Variants in ADGRV1 observed in about 807,000 individuals in gnomAD.
The protein encoded by ADGRV1 is G-protein coupled receptor 98.
Under a neutral mutation model 596.2 loss-of-function variants are expected in ADGRV1, and 359 were observed. The ratio of observed to expected loss-of-function variants is 0.60; its 90% CI spans 0.55 to 0.66. The LOEUF (loss-of-function observed/expected upper bound fraction) is 0.66, where lower values mean the gene tolerates loss of function less well. Ranked by LOEUF, ADGRV1 falls within the 30% of genes least tolerant of loss-of-function variation. ADGRV1 has a pLI of 0.00. For missense variants in ADGRV1, 7,274 were observed against 7,575.6 expected (o/e 0.96, Z 1.48); for synonymous variants, 2,681 against 2,679.2 (o/e 1.00, Z -0.02).
At chr5:90,773,782 C>G (rs1220520950) in intron 59 of ADGRV1, among the ~76,000 whole-genome samples, 3 of 152,210 alleles carry the variant, frequency 2.0e-5, no homozygotes, top group Non-Finnish European at 4.4e-5. Flanking sequence ...CGGCTGGCAT[C>G]TCAGGGCTGT....
chr5:90,685,949 A>G lies in ADGRV1; in HGVS notation c.6444A>G (p.Ala2148=). 6.2e-7 allele frequency: 1 copy of G among 1,605,684 alleles called. No individual in the cohort carries two copies. The highest frequency in any genetic ancestry group is 1.3e-5 in the African/African-American group (1 of 74,992). The part of the protein sequence containing the change: ...INVTRTGGAF[A]DVSVKFKAVP... ...TGACTAGAACAGGAGGAGCATTTGC[A>G]GATGTCTCTGTGAAGTTTAAAGCTG... Residue 2148 remains alanine (A), a synonymous_variant, in exon 29 of 90, where the codon GCA becomes GCG. Coordinates refer to ENST00000405460, the MANE Select transcript of ADGRV1 (RefSeq NM_032119.4).
rs145758194 is a variant in ADGRV1, at chr5:90,669,054, T to C, written c.4753-3492T>C. Among the ~76,000 whole-genome samples the C allele has an allele frequency of 2.6e-3, 390 of 152,346 alleles. 14 individuals carry two copies. The East Asian group carries it at 0.065, about 25-fold the overall frequency. On this transcript the variant is annotated intron_variant, in intron 21 of 89. Coordinates refer to ENST00000405460, the MANE Select transcript of ADGRV1 (RefSeq NM_032119.4). ...AAGATTTTATATTTACATATTAAGA[T>C]TAATGGTTTATTAATTTAACTCATG...
intron 83 of ADGRV1, among the ~76,000 whole-genome samples, chr5:90,913,671 A>G (rs1773097716): frequency 6.6e-6 from 1 of 152,184 alleles, no homozygotes; most frequent in Non-Finnish European, 1.5e-5. Flanking sequence ...CTAGTTTATC[A>G]TAACTCATGC....
chr5:91,154,846 A>C (rs1224375958), intron 89 of ADGRV1, among the ~76,000 whole-genome samples: 2 of 152,218 alleles, frequency 1.3e-5, no homozygotes, highest in African/African-American at 4.8e-5. Context: ...CACTATCATA[A>C]GAATAGCATA....
chr5:90,691,503 G>C (rs2149625852), intron 31 of ADGRV1, among the ~76,000 whole-genome samples: 1 of 150,780 alleles, frequency 6.6e-6, no homozygotes, highest in African/African-American at 2.4e-5. Context: ...TCCTGCCTCA[G>C]CCTTCCGAGT....
chr5:90,734,794 A>G (rs563843885), intron 50 of ADGRV1, among the ~76,000 whole-genome samples: 46 of 152,090 alleles, frequency 3.0e-4, no homozygotes, highest in Non-Finnish European at 3.4e-4. Context: ...TCCTGACCTC[A>G]TGATCCACCT....
chr5:90,746,529 G>T lies in ADGRV1; in HGVS notation c.10974+734G>T, dbSNP rs528331448. On this transcript the variant is annotated intron_variant, in intron 52 of 89. Coordinates refer to ENST00000405460, the MANE Select transcript of ADGRV1 (RefSeq NM_032119.4). Reference sequence around the variant, plus strand: ...ACCCAAGTTTGCCTGCACACCAAGAGCATGTCCTCAGAGAAAGTGAGCTTC... The same window carrying T: ...ACCCAAGTTTGCCTGCACACCAAGATCATGTCCTCAGAGAAAGTGAGCTTC... Among the ~76,000 whole-genome samples, 5 of 152,234 alleles carry T rather than the reference G, an allele frequency of 3.3e-5. No individual in the cohort carries two copies. The South Asian group carries it at 8.3e-4, about 25-fold the overall frequency.
At chr5:90,871,220 G>A (rs939369897) in intron 83 of ADGRV1, among the ~76,000 whole-genome samples, 1 of 152,040 alleles carries the variant, frequency 6.6e-6, no homozygotes, top group Non-Finnish European at 1.5e-5. Context: ...AATGATTTTG[G>A]TACTCAAAAT....
Position 90,811,282 on chromosome 5 carries a change from T to C in ADGRV1, c.16022T>C (p.Ile5341Thr), listed in dbSNP as rs763832923. The C allele has an allele frequency of 6.2e-7, 1 of 1,612,876 alleles. No homozygotes were observed. The highest frequency in any genetic ancestry group is 1.1e-5 in the South Asian group (1 of 90,744). Residue 5341 changes from isoleucine to threonine, a missense_variant, in exon 74 of 90, where the codon ATT (isoleucine) becomes ACT (threonine). By Grantham distance (89) the Ile-to-Thr change is moderately conservative. Coordinates refer to ENST00000405460, the MANE Select transcript of ADGRV1 (RefSeq NM_032119.4). ...ACAAACCCTCAAGGGGGAGCACAGA[T>C]TGTGGAGGAGAAGGATGATACTGGA... is the stretch of plus-strand genomic sequence containing the variant. ...FLTNPQGGAQ[I>T]VEEKDDTGFA...
intron 83 of ADGRV1, among the ~76,000 whole-genome samples, chr5:90,874,933 A>G (rs1038904163): frequency 2.0e-5 from 3 of 152,240 alleles, no homozygotes; most frequent in Non-Finnish European, 4.4e-5. Context: ...AGGCTTTCTT[A>G]TAAAGAGCAT....
At chr5:91,070,861 A>G (rs1351876047) in intron 85 of ADGRV1, among the ~76,000 whole-genome samples, 1 of 152,196 alleles carries the variant, frequency 6.6e-6, no homozygotes, top group Non-Finnish European at 1.5e-5. Flanking sequence ...GGGGAAATGT[A>G]TAGTTAAGGA....
intron 78 of ADGRV1, among the ~76,000 whole-genome samples, chr5:90,841,603 T>G (rs1361650048): frequency 6.6e-6 from 1 of 152,158 alleles, no homozygotes; most frequent in East Asian, 1.9e-4. Flanking sequence ...CCTAAGAATA[T>G]AAATTTTGAA....
intron 17 of ADGRV1, among the ~76,000 whole-genome samples, chr5:90,649,571 C>A (rs532709665): frequency 6.6e-6 from 1 of 152,216 alleles, no homozygotes; most frequent in African/African-American, 2.4e-5. Context: ...TCACCGCAAC[C>A]TCTGCCTCCT....
intron 83 of ADGRV1, chr5:90,899,142 G>C (rs1221984580): frequency 6.6e-6 from 1 of 152,160 alleles, no homozygotes; most frequent in African/African-American, 2.4e-5. Context: ...CTTAGCTTCT[G>C]TAAAACTTTT....
chr5:90,647,548 C>T lies in ADGRV1; in HGVS notation c.3073C>T (p.Leu1025Phe). 6.2e-7 allele frequency: 1 copy of T among 1,613,714 alleles called. No homozygotes were observed. Among genetic ancestry groups the T allele is most frequent in the South Asian group, 1.1e-5 (1 of 91,056 alleles). ...AGGTGAGACTGCCAACTTTACAGTTCTCAGAAATGGATCTGTTGATGTGAC... is the reference window on the plus strand; with the variant it reads ...AGGTGAGACTGCCAACTTTACAGTTTTCAGAAATGGATCTGTTGATGTGAC... ...QEGETANFTV[L>F]RNGSVDVTCM... Residue 1025 changes from leucine to phenylalanine, a missense_variant, in exon 17 of 90, where the codon CTC becomes TTC. Physicochemically the swap from Leu to Phe is conservative, Grantham distance 22. Transcript: ENST00000405460.
At chr5:90,821,321 AT>A (rs897988843) in intron 75 of ADGRV1, among the ~76,000 whole-genome samples, 2 of 150,770 alleles carry the variant, frequency 1.3e-5, no homozygotes, top group Non-Finnish European at 3.0e-5. Flanking sequence ...ATTCTTCTAA[AT>A]TTTTTTCAAA....
intron 85 of ADGRV1, among the ~76,000 whole-genome samples, chr5:91,010,239 C>T (rs925132533): frequency 6.6e-6 from 1 of 152,056 alleles, no homozygotes; most frequent in Admixed American, 6.6e-5. Flanking sequence ...AGCTAATTCA[C>T]CATTTCTGAG....
chr5:90,744,001 T>A (rs935468460), intron 50 of ADGRV1, among the ~76,000 whole-genome samples: 1 of 138,714 alleles, frequency 7.2e-6, no homozygotes, highest in Non-Finnish European at 1.6e-5. Flanking sequence ...TATATATATA[T>A]ACATATGGAC....
At chr5:90,868,780 TA>T (rs1173051065) in intron 83 of ADGRV1, among the ~76,000 whole-genome samples, 1 of 151,910 alleles carries the variant, frequency 6.6e-6, no homozygotes, top group Non-Finnish European at 1.5e-5. Context: ...TGCACACAGA[TA>T]TGAATATACA....
Sources: gnomAD v4.1 joint callset for allele counts (sites outside exome capture counted in the v4.1 genomes callset) on GRCh38, gnomAD v4.1.1 for gene constraint, MANE v1.5 for transcripts, NCBI Gene and HGNC (gene_info 2026-07-23, HGNC 2026-07-21) for gene names.